CMSS1: variants seen among roughly 807,000 people sequenced by gnomAD.
The protein encoded by CMSS1 is cms1 ribosomal small subunit homolog.
In CMSS1, 33 loss-of-function variants were observed where a neutral mutation model predicts 43.5. The observed-to-expected ratio is 0.76, with a 90% CI of 0.57 to 1.01. CMSS1 has a LOEUF of 1.01. Ranked by LOEUF, CMSS1 falls within the 50% of genes least tolerant of loss-of-function variation. CMSS1 has a pLI of 0.00. For missense variants in CMSS1, 313 were observed against 326.4 expected (o/e 0.96, Z 0.32); for synonymous variants, 115 against 117.2 (o/e 0.98, Z 0.12).
chr3:100,012,989 G>C (rs1156450188), intron 1 of CMSS1, among the ~76,000 whole-genome samples: 1 of 151,668 alleles, frequency 6.6e-6, no homozygotes, highest in Non-Finnish European at 1.5e-5. Flanking sequence ...GGAGAGACAG[G>C]GTTTTGTCAT....
intron 1 of CMSS1, among the ~76,000 whole-genome samples, chr3:100,093,322 G>A (rs544582408): frequency 4.3e-4 from 66 of 152,114 alleles, no homozygotes; most frequent in African/African-American, 1.5e-3. Flanking sequence ...GAAAAAGTCA[G>A]ATAATCCAGA....
intron 1 of CMSS1, among the ~76,000 whole-genome samples, chr3:100,051,009 T>C (rs1172132461): frequency 6.6e-6 from 1 of 152,178 alleles, no homozygotes; most frequent in African/African-American, 2.4e-5. Context: ...AGTTTCTTCT[T>C]GCAAACAATC....
intron 1 of CMSS1, among the ~76,000 whole-genome samples, chr3:99,957,502 G>A (rs1299971164): frequency 6.6e-6 from 1 of 151,934 alleles, no homozygotes; most frequent in Non-Finnish European, 1.5e-5. Flanking sequence ...AGGTTTCTGT[G>A]TGGTAATATC....
intron 4 of CMSS1, among the ~76,000 whole-genome samples, chr3:100,166,031 G>A (rs1427219529): frequency 6.6e-6 from 1 of 152,110 alleles, no homozygotes; most frequent in Non-Finnish European, 1.5e-5. Flanking sequence ...ACTTCATTTT[G>A]CATTTGTGTA....
At chr3:99,906,057 G>A (rs953957819) in intron 1 of CMSS1, among the ~76,000 whole-genome samples, 2 of 152,236 alleles carry the variant, frequency 1.3e-5, no homozygotes, top group African/African-American at 4.8e-5. Flanking sequence ...GCTGGGCATG[G>A]TGGTGCATGC....
intron 1 of CMSS1, among the ~76,000 whole-genome samples, chr3:99,862,664 T>C (rs1225869972): frequency 6.6e-6 from 1 of 152,200 alleles, no homozygotes; most frequent in Non-Finnish European, 1.5e-5. Context: ...CTCCAGACAT[T>C]GCAGAGAAAT....
chr3:99,966,238 G>C (rs1708647687), intron 1 of CMSS1, among the ~76,000 whole-genome samples: 1 of 152,116 alleles, frequency 6.6e-6, no homozygotes, highest in Non-Finnish European at 1.5e-5. Context: ...GCAGAGGCTG[G>C]GCATGGGAGC....
At chr3:99,948,871 C>T (rs1462780512) in intron 1 of CMSS1, among the ~76,000 whole-genome samples, 2 of 152,168 alleles carry the variant, frequency 1.3e-5, no homozygotes, top group African/African-American at 4.8e-5. Flanking sequence ...GCCCCACTCC[C>T]TCTCAGCAGG....
intron 1 of CMSS1, among the ~76,000 whole-genome samples, chr3:99,969,814 G>A (rs1708762475): frequency 1.3e-5 from 2 of 152,146 alleles, no homozygotes; most frequent in Non-Finnish European, 1.5e-5. Flanking sequence ...TTGTCTAGAT[G>A]GATACTGAAG....
At chr3:100,112,352 C>T (rs1247707023) in intron 1 of CMSS1, among the ~76,000 whole-genome samples, 2 of 152,056 alleles carry the variant, frequency 1.3e-5, no homozygotes, top group Admixed American at 1.3e-4. Context: ...TTTTTTGCAT[C>T]CTTGGACCTG....
intron 1 of CMSS1, among the ~76,000 whole-genome samples, chr3:99,981,865 A>G (rs1471488240): frequency 6.6e-6 from 1 of 152,188 alleles, no homozygotes; most frequent in Non-Finnish European, 1.5e-5. Flanking sequence ...ACGGCCAGGC[A>G]TGGTGGCTCA....
chr3:99,947,682 C>A (rs896045508), intron 1 of CMSS1, among the ~76,000 whole-genome samples: 49 of 152,310 alleles, frequency 3.2e-4, no homozygotes, highest in African/African-American at 1.2e-3. Flanking sequence ...CCTCTAAATT[C>A]TTTTTCCCTT....
chr3:99,841,646 G>A (rs779748492), intron 1 of CMSS1, among the ~76,000 whole-genome samples: 3 of 152,014 alleles, frequency 2.0e-5, no homozygotes, highest in African/African-American at 2.4e-5. Context: ...CAAAACAGGC[G>A]CAATCCCATC....
chr3:100,002,958 C>T (rs1709885656), intron 1 of CMSS1, among the ~76,000 whole-genome samples: 1 of 152,188 alleles, frequency 6.6e-6, no homozygotes, highest in South Asian at 2.1e-4. Context: ...TGGGTTGCAT[C>T]AGAGTCCAGG....
intron 1 of CMSS1, among the ~76,000 whole-genome samples, chr3:99,935,706 C>T (rs1415206539): frequency 6.6e-6 from 1 of 152,194 alleles, no homozygotes; most frequent in Non-Finnish European, 1.5e-5. Context: ...CTTTAGAATT[C>T]TGGGACTCTC....
intron 1 of CMSS1, among the ~76,000 whole-genome samples, chr3:99,984,993 G>A (rs1289349406): frequency 6.6e-6 from 1 of 152,186 alleles, no homozygotes; most frequent in Non-Finnish European, 1.5e-5. Context: ...GATAACTCGT[G>A]TTAAAAATAA....
At chr3:99,871,678 C>T (rs549039347) in intron 1 of CMSS1, among the ~76,000 whole-genome samples, 2 of 152,126 alleles carry the variant, frequency 1.3e-5, no homozygotes, top group East Asian at 1.9e-4. Flanking sequence ...TAGCTGCGGA[C>T]GTCTGAGGAG....
chr3:100,010,778 A>ATTTTTTTTTTT (rs11371196), intron 1 of CMSS1, among the ~76,000 whole-genome samples: 512 of 93,556 alleles, frequency 5.5e-3, no homozygotes, highest in Non-Finnish European at 6.5e-3. Context: ...CCACGCCCGG[A>ATTTTTTTTTTT]TTTTTTTTTT....
intron 1 of CMSS1, chr3:100,075,484 C>T (rs776168092): frequency 6.6e-6 from 1 of 151,936 alleles, no homozygotes; most frequent in Non-Finnish European, 1.5e-5. Context: ...TATAAGTTCT[C>T]TTACCTTCAA....
Sources: allele counts gnomAD v4.1 joint callset (sites outside exome capture counted in the v4.1 genomes callset), GRCh38; gene constraint gnomAD v4.1.1; transcripts MANE v1.5; gene names NCBI Gene and HGNC (gene_info 2026-07-23, HGNC 2026-07-21).